The following ST8SIA6 variants were observed in gnomAD, a reference collection of about 807,000 sequenced individuals.
ST8SIA6 encodes the protein ST8 alpha-N-acetyl-neuraminide alpha-2,8-sialyltransferase 6, also known as alpha-2,8-sialyltransferase 8F.
ST8SIA6 carries 39 observed loss-of-function variants against 33.6 expected under a neutral mutation model. That is an observed-to-expected ratio of 1.16 (90% CI 0.90 to 1.52). The LOEUF (loss-of-function observed/expected upper bound fraction) is 1.52. Ranked by LOEUF, ST8SIA6 falls within the 40% of genes most tolerant of loss-of-function variation. The probability of loss-of-function intolerance (pLI) is 0.00; values close to 1 mark genes in which losing one functional copy is unlikely to be tolerated. For missense variants in ST8SIA6, 441 were observed against 443.8 expected, an observed-to-expected ratio of 0.99 and a Z score of 0.06; for synonymous variants, 172 against 167.2, an observed-to-expected ratio of 1.03 and a Z score of -0.22.
intron 2 of ST8SIA6, among the ~76,000 whole-genome samples, chr10:17,393,833 T>TACA (rs1850707695): frequency 6.6e-6 from 1 of 152,182 alleles, no homozygotes; most frequent in Non-Finnish European, 1.5e-5. Context: ...GCCTGCAGAG[T>TACA]ACACATGGGC....
chr10:17,381,279 T>C (rs760790082), intron 3 of ST8SIA6, among the ~76,000 whole-genome samples: 5 of 152,176 alleles, frequency 3.3e-5, no homozygotes, highest in Non-Finnish European at 5.9e-5. Flanking sequence ...CTTAAGGCTA[T>C]TTAGCTGACA....
chr10:17,333,610 T>C lies in ST8SIA6; in HGVS notation c.378-2058A>G, dbSNP rs181898791. On this transcript the variant is annotated intron_variant, in intron 4 of 7. Transcript: ENST00000377602. ...CCACACATCTACAACCATCTGATCT[T>C]TGACAAACCTGACAAAAACAAGCAA... Among the ~76,000 whole-genome samples, 1,339 of 139,272 alleles carry C rather than the reference T, an allele frequency of 9.6e-3. 23 individuals carry two copies. The highest frequency in any genetic ancestry group is 0.034 in the African/African-American group (1,258 of 36,898). The allele number at this position is 139,272 out of a possible 152,430, so 91.4% of individuals were successfully genotyped here.
intron 4 of ST8SIA6, among the ~76,000 whole-genome samples, chr10:17,344,439 C>T (rs945901739): frequency 3.3e-5 from 5 of 152,182 alleles, no homozygotes; most frequent in Admixed American, 6.5e-5. Flanking sequence ...CCAAGCGAAA[C>T]CACTTGGGTC....
intron 2 of ST8SIA6, among the ~76,000 whole-genome samples, chr10:17,418,278 C>G (rs1851665141): frequency 2.0e-5 from 3 of 151,926 alleles, no homozygotes; most frequent in South Asian, 4.2e-4. Context: ...TCCGGCTGGT[C>G]TCAAGCTCCT....
chr10:17,356,967 T>C (rs1296732940), intron 4 of ST8SIA6, among the ~76,000 whole-genome samples: 7 of 152,144 alleles, frequency 4.6e-5, no homozygotes, highest in Non-Finnish European at 7.3e-5. Flanking sequence ...GAGCCAGACA[T>C]TGTGAGTGGA....
In ST8SIA6 at chr10:17,316,793, A is replaced by G. The variant is rs998168907; in HGVS notation, c.*4085T>C. ...ACATTCTTATCTTTTGTTCATTTTT[A>G]TATTGAGTTTCCTGTCTTTTACTTG... On this transcript the variant is annotated 3_prime_UTR_variant, in exon 8 of 8. Transcript: ENST00000377602. Among the ~76,000 whole-genome samples, 2 of 152,140 alleles carry G rather than the reference A, an allele frequency of 1.3e-5. No individual in the cohort carries two copies. Among genetic ancestry groups the G allele is most frequent in the East Asian group, 3.9e-4 (2 of 5,180 alleles).
At chr10:17,423,835 C>T (rs2131711233) in intron 2 of ST8SIA6, among the ~76,000 whole-genome samples, 1 of 152,316 alleles carries the variant, frequency 6.6e-6, no homozygotes, top group South Asian at 2.1e-4. Context: ...ATCTTCAGAA[C>T]CACACAATAT....
chr10:17,339,170 TTTTA>T (rs1200626072), intron 4 of ST8SIA6, among the ~76,000 whole-genome samples: 1 of 152,198 alleles, frequency 6.6e-6, no homozygotes, highest in Non-Finnish European at 1.5e-5. Flanking sequence ...GTTTGTTTGT[TTTTA>T]TTTGTTTCAA....
Position 17,321,291 on chromosome 10 carries a change from C to T in ST8SIA6, c.784G>A (p.Gly262Arg). 1 of 1,613,870 alleles carries T rather than the reference C, an allele frequency of 6.2e-7. No individual in the cohort carries two copies. Among genetic ancestry groups the T allele is most frequent in the East Asian group, 2.2e-5 (1 of 44,870 alleles). ...ALFLEDIATY[G>R]DAFFLLPAFS... Reference sequence around the variant, plus strand: ...GCTGGCAGAAGAAAAAATGCATCTCCATAGGTTGCAATGTCCTCCAGAAAT... The same window carrying T: ...GCTGGCAGAAGAAAAAATGCATCTCTATAGGTTGCAATGTCCTCCAGAAAT... The change falls in exon 8 of 8, where the codon GGA (glycine) becomes AGA (arginine). Residue 262 changes from glycine to arginine, a missense_variant. Gly to Arg is a moderately radical substitution (Grantham distance 125, BLOSUM62 -2). Transcript: ENST00000377602.
chr10:17,335,293 G>A (rs1459373337), intron 4 of ST8SIA6, among the ~76,000 whole-genome samples: 2 of 152,190 alleles, frequency 1.3e-5, no homozygotes, highest in Non-Finnish European at 1.5e-5. Flanking sequence ...TGATGGTAGT[G>A]AGTCATTAGA....
intron 3 of ST8SIA6, among the ~76,000 whole-genome samples, chr10:17,368,256 A>AC (rs57736921): frequency 6.0e-4 from 89 of 147,176 alleles, no homozygotes; most frequent in African/African-American, 2.1e-3. Context: ...AAAAAAAAAA[A>AC]AATTACAAAA....
At chr10:17,402,678 A>T (rs1226476316) in intron 2 of ST8SIA6, among the ~76,000 whole-genome samples, 1 of 152,176 alleles carries the variant, frequency 6.6e-6, no homozygotes, top group African/African-American at 2.4e-5. Flanking sequence ...GCAAGAACAA[A>T]AAACCAAACA....
rs1483021820 is a variant in ST8SIA6 at position 17,397,226 on chromosome 10, G to GTTTTTTTTTTTTTTTTTTTTTTTTTTTTT, written c.201-6607_201-6606insAAAAAAAAAAAAAAAAAAAAAAAAAAAAA. On this transcript the variant is annotated intron_variant, in intron 2 of 7. Coordinates refer to ENST00000377602, the MANE Select transcript of ST8SIA6 (RefSeq NM_001004470.3). ...CGAGGGGTTGTGTCGTTTGCAAATT[G>GTTTTTTTTTTTTTTTTTTTTTTTTTTTTT]TTTTTTGTTTTTTTTTTTTTTTTTG... Among the ~76,000 whole-genome samples the GTTTTTTTTTTTTTTTTTTTTTTTTTTTTT allele has an allele frequency of 2.5e-5, 2 of 80,060 alleles. 1 individual carries two copies. 52.5% of individuals were successfully genotyped at this position (80,060 alleles called of 152,430 possible).
intron 2 of ST8SIA6, among the ~76,000 whole-genome samples, chr10:17,416,364 C>G (rs76390583): frequency 0.032 from 4,927 of 152,292 alleles, 82 homozygotes; most frequent in South Asian, 0.055. Context: ...TGAGTCCTAT[C>G]TCTCTGGCGA....
At chr10:17,371,782 T>TAAAAAAAA (rs202019274) in intron 3 of ST8SIA6, among the ~76,000 whole-genome samples, 7 of 89,438 alleles carry the variant, frequency 7.8e-5, no homozygotes, top group African/African-American at 8.8e-5. Context: ...CAAGACTCCA[T>TAAAAAAAA]TAAAAAAAAA....
rs1344895365 is a variant in ST8SIA6 at position 17,374,748 on chromosome 10, A to AAAATATATATATATATAT, written c.291-15149_291-15148insATATATATATATATATTT. ...TAAATAAATAAATAAATAAATAAAT[A>AAAATATATATATATATAT]ATAAATATATATATATATATTTAGC... On this transcript the variant is annotated intron_variant, in intron 3 of 7. Coordinates refer to ENST00000377602, the MANE Select transcript of ST8SIA6 (RefSeq NM_001004470.3). Among the ~76,000 whole-genome samples the AAAATATATATATATATAT allele has an allele frequency of 1.2e-3, 78 of 67,550 alleles. 2 individuals carry two copies. The highest frequency in any genetic ancestry group is 2.9e-3 in the East Asian group (4 of 1,366). 44.3% of individuals were successfully genotyped at this position (67,550 alleles called of 152,430 possible). A position where few individuals can be genotyped will look rare whatever the true frequency, so the allele number is the denominator to read the frequency against.
intron 2 of ST8SIA6, among the ~76,000 whole-genome samples, chr10:17,427,823 C>T (rs913027632): frequency 1.3e-5 from 2 of 152,212 alleles, no homozygotes; most frequent in African/African-American, 4.8e-5. Flanking sequence ...CGATGCCTTG[C>T]ACTTCGTCCT....
At chr10:17,327,469 C>T (rs1303928082) in intron 5 of ST8SIA6, among the ~76,000 whole-genome samples, 1 of 152,090 alleles carries the variant, frequency 6.6e-6, no homozygotes, top group African/African-American at 2.4e-5. Context: ...TGCCTGTAAT[C>T]CGAGCTACTC....
chr10:17,449,866 G>A (rs1049802999), intron 2 of ST8SIA6, among the ~76,000 whole-genome samples: 1 of 152,154 alleles, frequency 6.6e-6, no homozygotes, highest in African/African-American at 2.4e-5. Context: ...TAAAAAGCTA[G>A]TGACAAGAGT....
Sources: gnomAD v4.1 joint callset for allele counts (sites outside exome capture counted in the v4.1 genomes callset) on GRCh38, gnomAD v4.1.1 for gene constraint, MANE v1.5 for transcripts, NCBI Gene and HGNC (gene_info 2026-07-23, HGNC 2026-07-21) for gene names.